The following DPP6 variants were observed in gnomAD, a reference collection of about 807,000 sequenced individuals.
DPP6 encodes the protein A-type potassium channel modulatory protein DPP6.
A neutral mutation model predicts 122.6 loss-of-function variants in DPP6; 69 were observed. The observed-to-expected ratio is 0.56, with a 90% confidence interval of 0.46 to 0.69. DPP6 has a LOEUF of 0.69. Ranked by LOEUF, DPP6 falls within the 30% of genes least tolerant of loss-of-function variation. DPP6 has a pLI of 0.00. For missense variants in DPP6, 928 were observed against 1,116.9 expected (o/e 0.83, Z 2.41); for synonymous variants, 418 against 433.1 (o/e 0.97, Z 0.43).
In DPP6 at chr7:154,716,093, T is replaced by C. The variant is rs142841945; in HGVS notation, c.763-11674T>C. ...CTTCTTTTAGATCTCATTTTTGTAG[T>C]TTGTGCTTTCACTATTTCTTAGGCC... On this transcript the variant is annotated intron_variant, in intron 7 of 25. Transcript: ENST00000377770. 6.6e-3 allele frequency among the ~76,000 whole-genome samples: 1,003 copies of C among 152,338 alleles called. 23 individuals are homozygous for C. Among genetic ancestry groups the C allele is most frequent in the Admixed American group, 0.032 (494 of 15,306 alleles).
chr7:153,806,080 G>A, the DPP6 span, among the ~76,000 whole-genome samples: 3 of 151,982 alleles, frequency 2.0e-5, no homozygotes, highest in South Asian at 6.2e-4. Flanking sequence ...TCTGACGTCA[G>A]GAAGAATGAA....
chr7:154,160,709 T>C (rs1796936644), intron 1 of DPP6, among the ~76,000 whole-genome samples: 1 of 152,188 alleles, frequency 6.6e-6, no homozygotes. Flanking sequence ...TTGGTGTTTC[T>C]AATATGTACA....
intron 1 of DPP6, among the ~76,000 whole-genome samples, chr7:153,974,313 G>A (rs1434628315): frequency 6.6e-6 from 1 of 152,120 alleles, no homozygotes; most frequent in African/African-American, 2.4e-5. Context: ...CTCTGCAGTG[G>A]CAACTCTCTC....
At chr7:154,581,567 T>C (rs1175038882) in intron 5 of DPP6, among the ~76,000 whole-genome samples, 1 of 152,244 alleles carries the variant, frequency 6.6e-6, no homozygotes, top group Non-Finnish European at 1.5e-5. Flanking sequence ...TTCTCAACCC[T>C]GTCCACATGA....
intron 1 of DPP6, among the ~76,000 whole-genome samples, chr7:154,424,312 C>T (rs1004349567): frequency 4.6e-5 from 7 of 152,164 alleles, no homozygotes; most frequent in Admixed American, 3.3e-4. Context: ...CTTAAAACAA[C>T]ATAAATTTAT....
rs2130925552 is a variant in DPP6 at position 154,637,872 on chromosome 7, G to A, written c.679G>A (p.Gly227Arg). The stretch of plus-strand genomic sequence containing the variant: ...TTACGTCCTGAGCAAAATTCCTCAT[G>A]GGTAAGAGTGTTCTTTTCTTTCTTT... Reference protein sequence around the residue: ...GYYVLSKIPHGDPQSLDPPEV... With the variant: ...GYYVLSKIPHRDPQSLDPPEV... Residue 227 changes from glycine to arginine, a missense_variant and splice_region_variant, in exon 6 of 26, where the codon GGG becomes AGG. Coordinates refer to ENST00000377770, the MANE Select transcript of DPP6 (RefSeq NM_130797.4). The A allele has an allele frequency of 6.4e-7, 1 of 1,572,520 alleles. No homozygotes were observed. The highest frequency in any genetic ancestry group is 8.6e-7 in the Non-Finnish European group (1 of 1,156,916).
intron 1 of DPP6, among the ~76,000 whole-genome samples, chr7:154,205,559 A>G (rs1261005451): frequency 1.3e-5 from 2 of 152,092 alleles, no homozygotes; most frequent in African/African-American, 4.8e-5. Flanking sequence ...TCCAAATCTG[A>G]TGATTTCAGG....
intron 1 of DPP6, among the ~76,000 whole-genome samples, chr7:154,296,048 C>T (rs1223322587): frequency 1.3e-5 from 2 of 150,848 alleles, no homozygotes; most frequent in East Asian, 4.0e-4. Context: ...AGGTTCACGC[C>T]ATTCTCCTGC....
intron 8 of DPP6, among the ~76,000 whole-genome samples, chr7:154,742,229 G>A (rs559581759): frequency 1.3e-5 from 2 of 152,284 alleles, no homozygotes; most frequent in South Asian, 2.1e-4. Context: ...TCCATTATTC[G>A]AGTGGGATTC....
intron 10 of DPP6, among the ~76,000 whole-genome samples, chr7:154,783,513 T>C (rs1175384042): frequency 6.6e-6 from 1 of 152,154 alleles, no homozygotes; most frequent in Non-Finnish European, 1.5e-5. Flanking sequence ...TGGGCAGCCA[T>C]TCCCGCAGCA....
intron 5 of DPP6, among the ~76,000 whole-genome samples, chr7:154,613,453 C>G (rs529379553): frequency 1.3e-5 from 2 of 151,716 alleles, no homozygotes; most frequent in South Asian, 2.1e-4. Context: ...AACCCCGTCT[C>G]TACTGAAAAT....
chr7:154,313,255 C>T (rs1807063124), intron 1 of DPP6, among the ~76,000 whole-genome samples: 1 of 152,136 alleles, frequency 6.6e-6, no homozygotes, highest in Admixed American at 6.5e-5. Context: ...GAGAGCAGAA[C>T]AGTCCACAGC....
chr7:154,111,917 A>T (rs981568985), intron 1 of DPP6, among the ~76,000 whole-genome samples: 11 of 152,180 alleles, frequency 7.2e-5, no homozygotes, highest in Non-Finnish European at 1.3e-4. Context: ...TTCACAGATA[A>T]ATGGTGAAAC....
intron 1 of DPP6, among the ~76,000 whole-genome samples, chr7:154,307,935 AG>A (rs1198272796): frequency 2.6e-5 from 4 of 151,268 alleles, no homozygotes; most frequent in African/African-American, 4.9e-5. Context: ...GTTTTGAAGC[AG>A]GGGGTCATTA....
intron 1 of DPP6, among the ~76,000 whole-genome samples, chr7:154,017,703 AAAAATAAAAAAAAAATAAAAAAAT>A (rs1471567471): frequency 0.079 from 11,521 of 146,010 alleles, 628 homozygotes; most frequent in African/African-American, 0.16. Context: ...TTGTCCTAAA[AAAAATAAAAAAAAAATAAAAAAAT>A]AAAAAAAAAA....
intron 1 of DPP6, among the ~76,000 whole-genome samples, chr7:153,924,554 T>C (rs898834763): frequency 3.9e-5 from 6 of 152,188 alleles, no homozygotes; most frequent in African/African-American, 1.4e-4. Flanking sequence ...ATCTTTTAAC[T>C]CTCCCCTTTT....
At chr7:154,352,420 G>A (rs1810941039) in intron 1 of DPP6, among the ~76,000 whole-genome samples, 1 of 151,910 alleles carries the variant, frequency 6.6e-6, no homozygotes, top group Non-Finnish European at 1.5e-5. Context: ...CCGAGATCAT[G>A]CCACTGCACT....
chr7:154,464,854 C>T (rs998164018), intron 2 of DPP6, among the ~76,000 whole-genome samples: 1 of 152,208 alleles, frequency 6.6e-6, no homozygotes, highest in African/African-American at 2.4e-5. Flanking sequence ...CCCTTATCTA[C>T]AGAGTATCCA....
At chr7:154,345,970 G>A (rs553236837) in intron 1 of DPP6, among the ~76,000 whole-genome samples, 1 of 152,250 alleles carries the variant, frequency 6.6e-6, no homozygotes, top group East Asian at 1.9e-4. Context: ...CTTTTGAACT[G>A]AAACATACTT....
Sources: gnomAD v4.1 joint callset for allele counts (sites outside exome capture counted in the v4.1 genomes callset) on GRCh38, gnomAD v4.1.1 for gene constraint, MANE v1.5 for transcripts, NCBI Gene and HGNC (gene_info 2026-07-23, HGNC 2026-07-21) for gene names.